The following WASF3 variants were observed in gnomAD, a reference collection of about 807,000 sequenced individuals.
WASF3 encodes the protein actin-binding protein WASF3.
WASF3 carries 11 observed loss-of-function variants against 46.6 expected under a neutral mutation model. That is an observed-to-expected ratio of 0.24 (90% CI 0.15 to 0.39). The LOEUF (loss-of-function observed/expected upper bound fraction) is 0.39, where lower values mean the gene tolerates loss of function less well. WASF3 is among the 10% of genes least tolerant of loss of function. The probability of loss-of-function intolerance (pLI) is 1.00; values close to 1 mark genes in which losing one functional copy is unlikely to be tolerated. For synonymous variants in WASF3, 242 were observed against 259.7 expected (o/e 0.93, Z 0.65); for missense variants, 576 against 669.8 (o/e 0.86, Z 1.55).
chr13:26,595,971 C>G (rs1217702163), intron 1 of WASF3, among the ~76,000 whole-genome samples: 1 of 152,156 alleles, frequency 6.6e-6, no homozygotes, highest in Non-Finnish European at 1.5e-5. Flanking sequence ...ACAGGTTTTT[C>G]TATGAATATA....
intron 1 of WASF3, among the ~76,000 whole-genome samples, chr13:26,576,301 G>C (rs1489537370): frequency 6.6e-6 from 1 of 151,052 alleles, no homozygotes; most frequent in Non-Finnish European, 1.5e-5. Flanking sequence ...TTCTTTCCTG[G>C]GTTCAAGCCA....
intron 1 of WASF3, among the ~76,000 whole-genome samples, chr13:26,598,310 G>T (rs1880537908): frequency 6.6e-6 from 1 of 152,058 alleles, no homozygotes; most frequent in Non-Finnish European, 1.5e-5. Context: ...TTTTGATGGG[G>T]TTGTTTTTTT....
chr13:26,623,164 C>G (rs1881359753), intron 2 of WASF3, among the ~76,000 whole-genome samples: 2 of 152,138 alleles, frequency 1.3e-5, no homozygotes, highest in African/African-American at 4.8e-5. Context: ...TAACCAGGTA[C>G]CCCAGATACA....
intron 2 of WASF3, among the ~76,000 whole-genome samples, chr13:26,614,582 A>G (rs886507598): frequency 2.0e-5 from 3 of 152,162 alleles, no homozygotes; most frequent in South Asian, 2.1e-4. Flanking sequence ...CTTTTCCTGT[A>G]TGTCATGATG....
intron 6 of WASF3, among the ~76,000 whole-genome samples, chr13:26,674,061 T>C (rs1566071281): frequency 6.6e-6 from 1 of 152,112 alleles, no homozygotes; most frequent in Non-Finnish European, 1.5e-5. Context: ...GAGGAACCAG[T>C]TTGGCAGCTT....
intron 3 of WASF3, among the ~76,000 whole-genome samples, chr13:26,644,020 G>T (rs968136974): frequency 4.6e-5 from 7 of 152,212 alleles, no homozygotes; most frequent in Non-Finnish European, 1.0e-4. Context: ...TGGTTTATCT[G>T]GTTTGGTTCA....
chr13:26,630,857 T>G (rs901679444), intron 2 of WASF3, among the ~76,000 whole-genome samples: 4 of 152,246 alleles, frequency 2.6e-5, no homozygotes, highest in African/African-American at 9.6e-5. Context: ...CCATTCTAAC[T>G]GGTGTGAGAT....
At chr13:26,641,878 G>A (rs1006261688) in intron 2 of WASF3, 2 of 153,080 alleles carry the variant, frequency 1.3e-5, no homozygotes, top group Non-Finnish European at 2.9e-5. Flanking sequence ...GGGACAACTG[G>A]GGTGATGTCA....
intron 3 of WASF3, among the ~76,000 whole-genome samples, chr13:26,657,001 T>C (rs367790658): frequency 2.1e-4 from 32 of 152,312 alleles, no homozygotes; most frequent in African/African-American, 7.5e-4. Flanking sequence ...CTATGGACTT[T>C]CCTAGAGAAG....
intron 3 of WASF3, among the ~76,000 whole-genome samples, chr13:26,643,790 G>A (rs1434298954): frequency 6.6e-6 from 1 of 152,188 alleles, no homozygotes; most frequent in Non-Finnish European, 1.5e-5. Flanking sequence ...GGAGTGTTGT[G>A]TTAGTTGTGT....
intron 9 of WASF3, among the ~76,000 whole-genome samples, chr13:26,683,519 G>C (rs1022810597): frequency 1.3e-5 from 2 of 151,416 alleles, no homozygotes; most frequent in Non-Finnish European, 1.5e-5. Flanking sequence ...TACTTACCTT[G>C]AAACCAGAAA....
chr13:26,560,490 A>G (rs1295671296), intron 1 of WASF3, among the ~76,000 whole-genome samples: 3 of 152,190 alleles, frequency 2.0e-5, no homozygotes, highest in Non-Finnish European at 2.9e-5. Context: ...TAGATGAAAT[A>G]TATAACCCTG....
upstream of WASF3, among the ~76,000 whole-genome samples, chr13:26,554,169 C>G (rs1050892039): frequency 1.4e-5 from 2 of 146,086 alleles, no homozygotes; most frequent in Non-Finnish European, 3.0e-5. Flanking sequence ...CTCTGTCACA[C>G]AGGCTGGATT....
chr13:26,578,669 C>CTCCT (rs1177274620), intron 1 of WASF3, among the ~76,000 whole-genome samples: 2 of 152,162 alleles, frequency 1.3e-5, no homozygotes, highest in Non-Finnish European at 2.9e-5. Flanking sequence ...CTCCCTCCTG[C>CTCCT]TCCTTCCCTC....
chr13:26,567,707 AAT>A (rs989235180), intron 1 of WASF3, among the ~76,000 whole-genome samples: 17 of 150,910 alleles, frequency 1.1e-4, no homozygotes, highest in African/African-American at 3.9e-4. Flanking sequence ...TTAAAAAAAA[AAT>A]ATATATATAT....
chr13:26,577,516 C>T (rs991951322), intron 1 of WASF3: 206 of 1,293,518 alleles, frequency 1.6e-4, no homozygotes, highest in Non-Finnish European at 1.2e-4. Flanking sequence ...ATGATGTCTT[C>T]GTTAGAAAAG....
chr13:26,652,950 C>T (rs1882357050), intron 3 of WASF3, among the ~76,000 whole-genome samples: 4 of 152,164 alleles, frequency 2.6e-5, no homozygotes, highest in African/African-American at 7.2e-5. Context: ...GTTGTAATCT[C>T]TGTGTTAATT....
intron 2 of WASF3, chr13:26,641,052 A>G (rs1187226362): frequency 6.6e-6 from 1 of 152,096 alleles, no homozygotes; most frequent in African/African-American, 2.4e-5. Flanking sequence ...GTCATTGTAG[A>G]CTTTGATTTA....
rs183518936 is a variant in WASF3 at position 26,578,969 on chromosome 13, C to T, written c.-109+21150C>T. ...TATTGATTTTTGGAGATTAAGCTAA[C>T]CTTATATTCTTGGGATACATTTCCT... On this transcript the variant is annotated intron_variant, in intron 1 of 9. Transcript: ENST00000335327. Among the ~76,000 whole-genome samples the T allele has an allele frequency of 1.4e-4, 17 of 124,298 alleles. No individual in the cohort carries two copies. The East Asian group carries it at 3.8e-3, about 28-fold the overall frequency. The allele number at this position is 124,298 out of a possible 152,430, so 81.5% of individuals were successfully genotyped here.
Sources: allele counts gnomAD v4.1 joint callset (sites outside exome capture counted in the v4.1 genomes callset), GRCh38; gene constraint gnomAD v4.1.1; transcripts MANE v1.5; gene names NCBI Gene and HGNC (gene_info 2026-07-23, HGNC 2026-07-21).